The following MBD5 variants were observed in gnomAD, a reference collection of about 807,000 sequenced individuals.
MBD5 encodes the protein methyl-CpG-binding domain protein 5.
A neutral mutation model predicts 117.3 loss-of-function variants in MBD5; 13 were observed. The ratio of observed to expected loss-of-function variants is 0.11; its 90% CI spans 0.07 to 0.18. The LOEUF (loss-of-function observed/expected upper bound fraction) is 0.18. Among genes scored for constraint, MBD5 ranks in the 10% least tolerant of loss-of-function variants. The pLI is 1.00. For synonymous variants in MBD5, 727 were observed against 766.4 expected (o/e 0.95, Z 0.85); for missense variants, 1,879 against 2,093.8 (o/e 0.90, Z 2.00).
Position 148,150,257 on chromosome 2 carries a change from G to A in MBD5, c.-924-28443G>A, listed in dbSNP as rs1221002336. Among the ~76,000 whole-genome samples, 1,033 of 148,832 alleles carry A rather than the reference G, an allele frequency of 6.9e-3. 10 individuals carry two copies. The highest frequency in any genetic ancestry group is 0.024 in the African/African-American group (966 of 40,348). ...TCAAAGATCAGATAGTTGTAGATAT[G>A]CGGCGTTATTTCTGAGGGCTCTGTT... is the stretch of plus-strand genomic sequence containing the variant. On this transcript the variant is annotated intron_variant, in intron 1 of 13. Coordinates refer to ENST00000642680, the MANE Select transcript of MBD5 (RefSeq NM_001378120.1).
intron 4 of MBD5, among the ~76,000 whole-genome samples, chr2:148,356,610 T>C (rs941939442): frequency 4.9e-4 from 75 of 152,280 alleles, no homozygotes; most frequent in Non-Finnish European, 4.4e-5. Context: ...CAGTGCCAAG[T>C]ATTCTTCTTT....
intron 2 of MBD5, among the ~76,000 whole-genome samples, chr2:148,201,988 T>C (rs1471568755): frequency 1.3e-5 from 2 of 152,138 alleles, no homozygotes. Flanking sequence ...CTCAGTCCGG[T>C]CCTTGGATTT....
intron 4 of MBD5, among the ~76,000 whole-genome samples, chr2:148,350,582 A>G (rs1703226759): frequency 6.6e-6 from 1 of 152,070 alleles, no homozygotes; most frequent in Admixed American, 6.6e-5. Flanking sequence ...TTATAAGTGC[A>G]AAAATAAGTT....
At chr2:148,489,331 T>C in intron 10 of MBD5, 55 bp from the exon 11 acceptor site, 4 of 1,606,498 alleles carry the variant, frequency 2.5e-6, no homozygotes, top group Non-Finnish European at 3.4e-6. Context: ...TCTTTCTCTT[T>C]GAGGCCTCAA....
At chr2:148,322,966 G>C (rs1385781947) in intron 3 of MBD5, among the ~76,000 whole-genome samples, 1 of 149,224 alleles carries the variant, frequency 6.7e-6, no homozygotes, top group Non-Finnish European at 1.5e-5. Context: ...TCTAGCATTA[G>C]GTATATCTCC....
chr2:148,111,699 A>G (rs954515070), intron 1 of MBD5, among the ~76,000 whole-genome samples: 4 of 152,108 alleles, frequency 2.6e-5, no homozygotes, highest in African/African-American at 7.2e-5. Context: ...AGTGTGTGCA[A>G]CTAATTATCA....
chr2:148,426,656 A>G (rs1415213170), intron 4 of MBD5, among the ~76,000 whole-genome samples: 2 of 152,198 alleles, frequency 1.3e-5, no homozygotes, highest in Non-Finnish European at 2.9e-5. Flanking sequence ...TTAATTCAAG[A>G]TGGATTAAAG....
intron 1 of MBD5, among the ~76,000 whole-genome samples, chr2:148,164,012 A>G (rs1280651126): frequency 1.3e-5 from 2 of 152,120 alleles, no homozygotes; most frequent in Non-Finnish European, 2.9e-5. Context: ...TTTTTCATGT[A>G]GTGTTTACTA....
chr2:148,394,254 G>A (rs777475147), intron 4 of MBD5, among the ~76,000 whole-genome samples: 27 of 151,922 alleles, frequency 1.8e-4, no homozygotes, highest in Non-Finnish European at 4.0e-4. Flanking sequence ...ATGTTTCCTG[G>A]AACAACTTAA....
intron 10 of MBD5, 135 bp downstream of exon 10, chr2:148,486,085 GTA>G (rs1379291438): frequency 1.2e-6 from 1 of 822,216 alleles, no homozygotes; most frequent in Non-Finnish European, 2.1e-6. Flanking sequence ...TCAGTCATGA[GTA>G]TTGTTAAACA....
At chr2:148,033,683 T>C (rs1378294794) in intron 1 of MBD5, among the ~76,000 whole-genome samples, 1 of 152,176 alleles carries the variant, frequency 6.6e-6, no homozygotes, top group Non-Finnish European at 1.5e-5. Flanking sequence ...CAAGTCTTCA[T>C]TAAATAAACA....
At chr2:148,253,930 C>T (rs147893176) in intron 3 of MBD5, among the ~76,000 whole-genome samples, 228 of 152,322 alleles carry the variant, frequency 1.5e-3, no homozygotes, top group African/African-American at 5.0e-3. Context: ...AGTCATGCTG[C>T]GCTGGAAGTC....
intron 4 of MBD5, among the ~76,000 whole-genome samples, chr2:148,373,439 T>C (rs539312455): frequency 2.6e-5 from 4 of 152,262 alleles, no homozygotes; most frequent in African/African-American, 9.6e-5. Flanking sequence ...AAACATGTTC[T>C]TCTATATTCG....
intron 3 of MBD5, among the ~76,000 whole-genome samples, chr2:148,237,272 T>A (rs1354149748): frequency 2.0e-5 from 3 of 152,274 alleles, no homozygotes; most frequent in African/African-American, 7.2e-5. Flanking sequence ...ACAATTTGGC[T>A]AACTGTTGGG....
At chr2:148,162,262 T>G (rs1287649788) in intron 1 of MBD5, among the ~76,000 whole-genome samples, 1 of 152,194 alleles carries the variant, frequency 6.6e-6, no homozygotes, top group East Asian at 1.9e-4. Context: ...CTTAATATAT[T>G]AGCTGCCTTC....
At chr2:148,319,620 C>T (rs536921333) in intron 3 of MBD5, among the ~76,000 whole-genome samples, 3 of 152,214 alleles carry the variant, frequency 2.0e-5, no homozygotes, top group African/African-American at 7.2e-5. Context: ...TGAAACTTTA[C>T]TGGATTCATT....
At chr2:148,461,671 T>G (rs1302886742) in intron 5 of MBD5, among the ~76,000 whole-genome samples, 3 of 152,214 alleles carry the variant, frequency 2.0e-5, no homozygotes, top group Non-Finnish European at 2.9e-5. Flanking sequence ...AATATGTATT[T>G]AAGTTCAAAC....
intron 1 of MBD5, among the ~76,000 whole-genome samples, chr2:148,043,055 T>C (rs1694408680): frequency 6.6e-6 from 1 of 152,114 alleles, no homozygotes; most frequent in Non-Finnish European, 1.5e-5. Context: ...AATGAACTCC[T>C]AGACCACCTG....
chr2:148,061,005 A>C (rs1217298605), intron 1 of MBD5, among the ~76,000 whole-genome samples: 1 of 152,052 alleles, frequency 6.6e-6, no homozygotes, highest in Non-Finnish European at 1.5e-5. Context: ...TTTCTTCTCC[A>C]TTGTAAAAAG....
Sources: gnomAD v4.1 joint callset for allele counts (sites outside exome capture counted in the v4.1 genomes callset) on GRCh38, gnomAD v4.1.1 for gene constraint, MANE v1.5 for transcripts, NCBI Gene and HGNC (gene_info 2026-07-23, HGNC 2026-07-21) for gene names.